Variants in NUMB observed in about 807,000 individuals in gnomAD.
NUMB encodes the protein NUMB endocytic adaptor protein.
NUMB carries 29 observed loss-of-function variants against 59.7 expected under a neutral mutation model. That is an observed-to-expected ratio of 0.49 (90% CI 0.36 to 0.66). The LOEUF is 0.66. Among genes scored for constraint, NUMB ranks in the 30% least tolerant of loss-of-function variants. NUMB has a pLI of 0.00. For missense variants in NUMB, 723 were observed against 822.0 expected, an observed-to-expected ratio of 0.88 and a Z score of 1.47; for synonymous variants, 288 against 288.2, an observed-to-expected ratio of 1.00 and a Z score of 0.01.
At chr14:73,318,977 T>A (rs1487430458) in intron 5 of NUMB, among the ~76,000 whole-genome samples, 1 of 152,184 alleles carries the variant, frequency 6.6e-6, no homozygotes, top group Non-Finnish European at 1.5e-5. Flanking sequence ...TTCACAAATT[T>A]AAAAAGCGCT....
intron 11 of NUMB, 111 bp from the exon 12 acceptor site, chr14:73,279,535 A>G: frequency 2.9e-6 from 3 of 1,019,514 alleles, no homozygotes; most frequent in African/African-American, 3.3e-5. Context: ...AATGGATAAG[A>G]GAGAAGAGTT....
At chr14:73,350,352 T>C (rs1893176471) in intron 4 of NUMB, among the ~76,000 whole-genome samples, 1 of 151,750 alleles carries the variant, frequency 6.6e-6, no homozygotes. Context: ...TTTGTATTTT[T>C]ATTAGAGATG....
At chr14:73,429,105 C>T (rs538921469) in intron 1 of NUMB, among the ~76,000 whole-genome samples, 6 of 152,228 alleles carry the variant, frequency 3.9e-5, no homozygotes, top group Non-Finnish European at 7.3e-5. Context: ...GGCACAGTGG[C>T]TCACGCCTGT....
chr14:73,374,241 A>T (rs1167801303), intron 2 of NUMB, among the ~76,000 whole-genome samples: 1 of 152,100 alleles, frequency 6.6e-6, no homozygotes, highest in Non-Finnish European at 1.5e-5. Context: ...GTTGGTCTCA[A>T]ACTCCTGGCC....
intron 4 of NUMB, among the ~76,000 whole-genome samples, chr14:73,327,667 A>C (rs1891734757): frequency 6.6e-6 from 1 of 152,216 alleles, no homozygotes; most frequent in Non-Finnish European, 1.5e-5. Flanking sequence ...AAAATCTAGT[A>C]TCTGCAATTT....
chr14:73,398,415 A>AGAGAGTGTGT (rs1438462148), intron 2 of NUMB, among the ~76,000 whole-genome samples: 71 of 118,876 alleles, frequency 6.0e-4, no homozygotes, highest in African/African-American at 1.6e-3. Flanking sequence ...AGAGAGAGAG[A>AGAGAGTGTGT]GTGTGTGTGT....
At chr14:73,431,176 C>T (rs1395892628) in intron 1 of NUMB, among the ~76,000 whole-genome samples, 1 of 151,228 alleles carries the variant, frequency 6.6e-6, no homozygotes, top group Non-Finnish European at 1.5e-5. Flanking sequence ...AGGCTGGTCT[C>T]GAGCTCCTGA....
chr14:73,344,732 C>T (rs1892815812), intron 4 of NUMB, among the ~76,000 whole-genome samples: 2 of 152,186 alleles, frequency 1.3e-5, no homozygotes, highest in South Asian at 2.1e-4. Flanking sequence ...CATTCAGCCC[C>T]TTAATCTCTA....
chr14:73,335,330 C>G (rs910208419), intron 4 of NUMB, among the ~76,000 whole-genome samples: 12 of 140,744 alleles, frequency 8.5e-5, no homozygotes, highest in Non-Finnish European at 1.7e-4. Context: ...AAAAGGAAGA[C>G]TTGGTAGAAG....
At chr14:73,409,834 T>C (rs887315982) in intron 2 of NUMB, 103 bp downstream of exon 2, 1 of 152,262 alleles carries the variant, frequency 6.6e-6, no homozygotes. Context: ...CAAAGGGTTA[T>C]ATTTGTAAAG....
intron 4 of NUMB, among the ~76,000 whole-genome samples, chr14:73,334,822 G>A (rs1164570271): frequency 2.6e-5 from 4 of 151,814 alleles, no homozygotes; most frequent in African/African-American, 7.3e-5. Flanking sequence ...GGTGGTGGGC[G>A]CCTGTAATCT....
At chr14:73,407,903 T>C (rs1896743032) in intron 2 of NUMB, among the ~76,000 whole-genome samples, 1 of 152,182 alleles carries the variant, frequency 6.6e-6, no homozygotes, top group Non-Finnish European at 1.5e-5. Flanking sequence ...GGCAACAAAA[T>C]ACTCTGTAAC....
At chr14:73,443,323 C>T (rs567987913) in intron 1 of NUMB, among the ~76,000 whole-genome samples, 15 of 152,138 alleles carry the variant, frequency 9.9e-5, no homozygotes, top group African/African-American at 3.6e-4. Flanking sequence ...AGGATGGGTA[C>T]AGTGGCTCAC....
chr14:73,444,062 C>T (rs1883283918), intron 1 of NUMB, among the ~76,000 whole-genome samples: 1 of 152,122 alleles, frequency 6.6e-6, no homozygotes, highest in African/African-American at 2.4e-5. Flanking sequence ...CACGCACCAC[C>T]TTGCCCGGGC....
chr14:73,291,581 T>C (rs1420056474), intron 8 of NUMB, among the ~76,000 whole-genome samples: 1 of 152,038 alleles, frequency 6.6e-6, no homozygotes, highest in Non-Finnish European at 1.5e-5. Context: ...TTTCACCATG[T>C]TGGCCAGACT....
chr14:73,280,936 C>T (rs993349506), intron 11 of NUMB, among the ~76,000 whole-genome samples: 14 of 152,146 alleles, frequency 9.2e-5, no homozygotes, highest in Non-Finnish European at 1.8e-4. Context: ...TCTGGTGATC[C>T]GCCTGCCTCA....
intron 1 of NUMB, among the ~76,000 whole-genome samples, chr14:73,410,862 G>A (rs1896864201): frequency 6.6e-6 from 1 of 152,158 alleles, no homozygotes; most frequent in African/African-American, 2.4e-5. Context: ...TGTAAAGGTA[G>A]TCTACTTGTT....
intron 3 of NUMB, among the ~76,000 whole-genome samples, chr14:73,358,409 C>T (rs964080272): frequency 6.6e-6 from 1 of 152,118 alleles, no homozygotes; most frequent in African/African-American, 2.4e-5. Flanking sequence ...CTCACCAGTC[C>T]CCATTCACAT....
chr14:73,296,866 T>C (rs1422614938), intron 7 of NUMB, among the ~76,000 whole-genome samples: 1 of 151,770 alleles, frequency 6.6e-6, no homozygotes, highest in Non-Finnish European at 1.5e-5. Context: ...CTACTAATAA[T>C]ACAAAAATTA....
Sources: allele counts gnomAD v4.1 joint callset (sites outside exome capture counted in the v4.1 genomes callset), GRCh38; gene constraint gnomAD v4.1.1; transcripts MANE v1.5; gene names NCBI Gene and HGNC (gene_info 2026-07-23, HGNC 2026-07-21).